Variants in DIP2C observed in about 807,000 individuals in gnomAD.
The protein encoded by DIP2C is DIP2 acetate--CoA ligase C (putative).
In DIP2C, 33 loss-of-function variants were observed where a neutral mutation model predicts 192.4. That is an observed-to-expected ratio of 0.17 (90% CI 0.13 to 0.23). DIP2C has a LOEUF of 0.23. Among genes scored for constraint, DIP2C ranks in the 10% least tolerant of loss-of-function variants. DIP2C has a pLI of 1.00. For synonymous variants in DIP2C, 979 were observed against 864.1 expected (o/e 1.13, Z -2.33); for missense variants, 1,537 against 2,110.1 (o/e 0.73, Z 5.32).
chr10:672,601 A>G (rs574630101), intron 1 of DIP2C, among the ~76,000 whole-genome samples: 1 of 152,376 alleles, frequency 6.6e-6, no homozygotes, highest in South Asian at 2.1e-4. Flanking sequence ...TCTGCATAAA[A>G]GAACTAAAGA....
intron 25 of DIP2C, 119 bp from the exon 26 acceptor site, chr10:348,881 C>CT (rs989066612): frequency 7.0e-7 from 1 of 1,428,846 alleles, no homozygotes; most frequent in African/African-American, 1.4e-5. Flanking sequence ...AGCTGAGCTT[C>CT]TCACAGCCTC....
chr10:281,681 A>T (rs1954833731), intron 35 of DIP2C, among the ~76,000 whole-genome samples: 2 of 152,240 alleles, frequency 1.3e-5, no homozygotes, highest in African/African-American at 4.8e-5. Context: ...CCGTGGACCC[A>T]TCGGCTGAGG....
chr10:466,027 G>T (rs1970170725), intron 3 of DIP2C, among the ~76,000 whole-genome samples: 1 of 151,466 alleles, frequency 6.6e-6, no homozygotes, highest in South Asian at 2.1e-4. Flanking sequence ...TCACAGAATT[G>T]GAAAAAACTA....
chr10:428,494 G>T (rs1343322255), intron 4 of DIP2C, among the ~76,000 whole-genome samples: 2 of 152,164 alleles, frequency 1.3e-5, no homozygotes, highest in Non-Finnish European at 2.9e-5. Flanking sequence ...GGTCTCCATT[G>T]TATCTTCACA....
chr10:372,695 ACAGC>A (rs1961115093), intron 17 of DIP2C, among the ~76,000 whole-genome samples: 2 of 149,596 alleles, frequency 1.3e-5, no homozygotes, highest in Non-Finnish European at 2.9e-5. Flanking sequence ...GTCCCGACAC[ACAGC>A]CAGGCACAGA....
rs965459812 is a variant in DIP2C, at chr10:277,164, G to A, written c.*161C>T. On this transcript the variant is annotated 3_prime_UTR_variant, in exon 37 of 37. Coordinates refer to ENST00000280886, the MANE Select transcript of DIP2C (RefSeq NM_014974.3). The stretch of plus-strand genomic sequence containing the variant: ...TTCACATTTCACCCCCATGCCAATC[G>A]TGGCTGCTGTGAGAAGTCCTCTTCC... 4.8e-5 allele frequency: 50 copies of A among 1,046,268 alleles called. No homozygotes were observed. Among genetic ancestry groups the A allele is most frequent in the South Asian group, 3.4e-4 (19 of 55,624 alleles). The allele number at this position is 1,046,268 out of a possible 1,614,324, so 64.8% of individuals were successfully genotyped here. A position where few individuals can be genotyped will look rare whatever the true frequency, so the allele number is the denominator to read the frequency against.
intron 26 of DIP2C, among the ~76,000 whole-genome samples, chr10:345,340 C>T (rs1364144300): frequency 8.4e-6 from 1 of 119,388 alleles, no homozygotes. Flanking sequence ...ACTTCCTGGG[C>T]CCAGTGCATC....
chr10:674,555 A>G (rs951780504), intron 1 of DIP2C, among the ~76,000 whole-genome samples: 13 of 151,892 alleles, frequency 8.6e-5, no homozygotes, highest in Non-Finnish European at 1.9e-4. Context: ...GGATCACCTG[A>G]GGTCAGGAGT....
rs960576199 is a variant in DIP2C, at chr10:278,015, G to A, written c.4419-438C>T. Reference sequence around the variant, plus strand: ...ACCCCCAGCTCTGCTGCTGAGGGCCGTGCGTGCGGAGGCCGAGGGCAGGGG... The same window carrying A: ...ACCCCCAGCTCTGCTGCTGAGGGCCATGCGTGCGGAGGCCGAGGGCAGGGG... On this transcript the variant is annotated intron_variant, in intron 36 of 36. Coordinates refer to ENST00000280886, the MANE Select transcript of DIP2C (RefSeq NM_014974.3). Among the ~76,000 whole-genome samples the A allele has an allele frequency of 4.6e-5, 7 of 152,120 alleles. No individual in the cohort carries two copies. The East Asian group carries it at 9.7e-4, about 21-fold the overall frequency.
intron 1 of DIP2C, among the ~76,000 whole-genome samples, chr10:605,030 A>G (rs1205291723): frequency 6.6e-6 from 1 of 152,234 alleles, no homozygotes; most frequent in Non-Finnish European, 1.5e-5. Flanking sequence ...AGAAGACTAT[A>G]AAGCACCAAG....
chr10:517,003 G>GCC (rs1340316188), intron 1 of DIP2C, among the ~76,000 whole-genome samples: 1 of 151,634 alleles, frequency 6.6e-6, no homozygotes, highest in African/African-American at 2.4e-5. Flanking sequence ...ACCAACTCAG[G>GCC]CCCATCAGGG....
intron 1 of DIP2C, among the ~76,000 whole-genome samples, chr10:680,332 C>G (rs892894998): frequency 6.6e-6 from 1 of 152,244 alleles, no homozygotes; most frequent in Non-Finnish European, 1.5e-5. Context: ...CGGCCTCCTG[C>G]AGCACTGGGC....
At chr10:466,213 A>T (rs960330485) in intron 3 of DIP2C, among the ~76,000 whole-genome samples, 1 of 152,076 alleles carries the variant, frequency 6.6e-6, no homozygotes, top group African/African-American at 2.4e-5. Context: ...GGAACAGAAC[A>T]GAGCCTGCAG....
At chr10:394,615 G>A (rs1963815524) in intron 10 of DIP2C, among the ~76,000 whole-genome samples, 1 of 141,632 alleles carries the variant, frequency 7.1e-6, no homozygotes, top group African/African-American at 2.7e-5. Context: ...GAAGGTGACC[G>A]TATGCTGAAC....
In DIP2C at chr10:405,203, C is replaced by T. The variant is rs111913740; in HGVS notation, c.1149+3723G>A. ...GATGCGTGTCATCCCCACGGCCAGA[C>T]GGCGATCAGCCCTCTCCCGAGAAGC... On this transcript the variant is annotated intron_variant, in intron 9 of 36. Transcript: ENST00000280886. Among the ~76,000 whole-genome samples the T allele has an allele frequency of 4.6e-5, 7 of 152,234 alleles. No homozygotes were observed. In the South Asian group the frequency reaches 6.2e-4, roughly 14 times the overall value.
intron 8 of DIP2C, among the ~76,000 whole-genome samples, chr10:410,928 G>A (rs553325827): frequency 5.3e-4 from 81 of 152,358 alleles, no homozygotes; most frequent in African/African-American, 1.9e-3. Flanking sequence ...TGTGTGTGAT[G>A]TCAGCACTAT....
At chr10:375,453 G>A (rs185800925) in intron 17 of DIP2C, among the ~76,000 whole-genome samples, 2 of 152,282 alleles carry the variant, frequency 1.3e-5, no homozygotes, top group Admixed American at 1.3e-4. Flanking sequence ...AGATTACCCA[G>A]TCTCACACAT....
intron 1 of DIP2C, among the ~76,000 whole-genome samples, chr10:624,761 C>T (rs546739016): frequency 3.3e-5 from 5 of 152,330 alleles, no homozygotes; most frequent in South Asian, 4.1e-4. Flanking sequence ...GAGCCAGGGA[C>T]GCTTGGAGAG....
In DIP2C at chr10:542,527, G is replaced by A. The variant is rs575838838; in HGVS notation, c.86-55997C>T. On this transcript the variant is annotated intron_variant, in intron 1 of 36. Coordinates refer to ENST00000280886, the MANE Select transcript of DIP2C (RefSeq NM_014974.3). ...CCCAGCCACTACGGCCGACAGCCCA[G>A]GCTCCAGAAATGCACAGCTTCAACC... 2.0e-5 allele frequency among the ~76,000 whole-genome samples: 3 copies of A among 152,330 alleles called. No individual in the cohort carries two copies. The East Asian group carries it at 5.8e-4, about 29-fold the overall frequency.
Sources: allele counts gnomAD v4.1 joint callset (sites outside exome capture counted in the v4.1 genomes callset), GRCh38; gene constraint gnomAD v4.1.1; transcripts MANE v1.5; gene names NCBI Gene and HGNC (gene_info 2026-07-23, HGNC 2026-07-21).